LIN28B: variants seen among roughly 807,000 people sequenced by gnomAD.
The protein encoded by LIN28B is lin-28 RNA binding posttranscriptional regulator B.
In LIN28B, 5 loss-of-function variants were observed where a neutral mutation model predicts 21.9. The observed-to-expected ratio is 0.23, with a 90% confidence interval of 0.12 to 0.48. The LOEUF (loss-of-function observed/expected upper bound fraction) is 0.48, where lower values mean the gene tolerates loss of function less well. LIN28B is among the 20% of genes least tolerant of loss of function. The pLI, the probability that LIN28B is intolerant of heterozygous loss-of-function variation, is 0.98. For missense variants in LIN28B, 245 were observed against 310.5 expected (o/e 0.79, Z 1.58); for synonymous variants, 109 against 111.3 (o/e 0.98, Z 0.13).
chr6:105,004,241 T>C (rs1317732588), intron 2 of LIN28B, among the ~76,000 whole-genome samples: 1 of 152,154 alleles, frequency 6.6e-6, no homozygotes, highest in East Asian at 1.9e-4. Context: ...ACTCAAATGT[T>C]AATCTCCTTT....
intron 2 of LIN28B, among the ~76,000 whole-genome samples, chr6:104,997,448 T>A (rs887166108): frequency 1.3e-5 from 2 of 151,932 alleles, no homozygotes; most frequent in Admixed American, 6.6e-5. Flanking sequence ...AATAAAAAAT[T>A]TGAACCTTGA....
chr6:105,008,433 A>G (rs1452248955), intron 2 of LIN28B, among the ~76,000 whole-genome samples: 2 of 152,116 alleles, frequency 1.3e-5, no homozygotes, highest in African/African-American at 2.4e-5. Context: ...TCACGAGGTC[A>G]GGAGATCGAG....
rs1437678321 is a variant in LIN28B, at chr6:105,005,394, T to C, written c.199-20904T>C. On this transcript the variant is annotated intron_variant, in intron 2 of 3. Coordinates refer to ENST00000345080, the MANE Select transcript of LIN28B (RefSeq NM_001004317.4). ...CTTCTGTTCGTAGAACTATTCTCAA[T>C]AAAGTGTTCTCCTTTCTTAGTTCTC... Among the ~76,000 whole-genome samples, 6 of 152,198 alleles carry C rather than the reference T, an allele frequency of 3.9e-5. No individual in the cohort carries two copies. In the East Asian group the frequency reaches 1.2e-3, roughly 29 times the overall value.
In LIN28B at chr6:105,037,769, C is replaced by T. The variant is rs190613363; in HGVS notation, c.383+11287C>T. ...CAAGTGATCCGCCTGCCTCGGCCTCCCAAAGTGCTGGGATTACAGACGTGA... is the reference window on the plus strand; with the variant it reads ...CAAGTGATCCGCCTGCCTCGGCCTCTCAAAGTGCTGGGATTACAGACGTGA... On this transcript the variant is annotated intron_variant, in intron 3 of 3. Coordinates refer to ENST00000345080, the MANE Select transcript of LIN28B (RefSeq NM_001004317.4). Among the ~76,000 whole-genome samples the T allele has an allele frequency of 4.4e-3, 665 of 152,180 alleles. 25 individuals carry two copies. Among genetic ancestry groups the T allele is most frequent in the Admixed American group, 0.039 (601 of 15,284 alleles).
chr6:104,998,566 TA>T (rs1407173191), intron 2 of LIN28B, among the ~76,000 whole-genome samples: 2 of 152,174 alleles, frequency 1.3e-5, no homozygotes, highest in Non-Finnish European at 2.9e-5. Flanking sequence ...ACTGCCTATA[TA>T]AAAAATTAAT....
At position 105,011,849 on chromosome 6, in the gene LIN28B, AAAAAAT is replaced by A. The variant is rs1770930725; in HGVS notation, c.199-14439_199-14434del. Among the ~76,000 whole-genome samples the A allele has an allele frequency of 4.0e-5, 6 of 151,704 alleles. No homozygotes were observed. In the South Asian group the frequency reaches 1.0e-3, roughly 26 times the overall value. ...GAAAGAGTGAGACTCCGTCTCTCCA[AAAAAAT>A]AAAAATAAACAAATAAACTGCCGGC... On this transcript the variant is annotated intron_variant, in intron 2 of 3. Coordinates refer to ENST00000345080, the MANE Select transcript of LIN28B (RefSeq NM_001004317.4).
At chr6:105,037,570 T>C (rs1582910683) in intron 3 of LIN28B, among the ~76,000 whole-genome samples, 2 of 146,304 alleles carry the variant, frequency 1.4e-5, no homozygotes, top group East Asian at 4.4e-4. Flanking sequence ...TGCAGTGCAG[T>C]GGTGCAGTCT....
chr6:105,011,666 A>G (rs1402046305), intron 2 of LIN28B, among the ~76,000 whole-genome samples: 1 of 151,404 alleles, frequency 6.6e-6, no homozygotes, highest in African/African-American at 2.4e-5. Flanking sequence ...CCTGGCCAAT[A>G]TGGAGAAACT....
intron 2 of LIN28B, among the ~76,000 whole-genome samples, chr6:105,000,027 A>T (rs192479486): frequency 1.6e-4 from 25 of 152,276 alleles, no homozygotes; most frequent in African/African-American, 2.6e-4. Context: ...GGGAAGGGGA[A>T]AGCTGAGCAC....
chr6:104,974,225 T>C (rs947184609), intron 2 of LIN28B, among the ~76,000 whole-genome samples: 2 of 152,132 alleles, frequency 1.3e-5, no homozygotes, highest in Non-Finnish European at 2.9e-5. Flanking sequence ...GTACAGTGGC[T>C]CACACCCGTA....
intron 2 of LIN28B, among the ~76,000 whole-genome samples, chr6:105,013,136 C>T (rs941193030): frequency 6.6e-6 from 1 of 151,976 alleles, no homozygotes; most frequent in Non-Finnish European, 1.5e-5. Context: ...CTCAGCCTCC[C>T]GAGTAGCTGG....
intron 3 of LIN28B, among the ~76,000 whole-genome samples, chr6:105,030,825 A>G (rs1582906697): frequency 6.6e-6 from 1 of 151,568 alleles, no homozygotes; most frequent in African/African-American, 2.4e-5. Context: ...CGAATCCTGG[A>G]CCTCAGGTGA....
chr6:105,032,346 A>G (rs1288376409), intron 3 of LIN28B, among the ~76,000 whole-genome samples: 2 of 152,180 alleles, frequency 1.3e-5, no homozygotes, highest in Non-Finnish European at 2.9e-5. Context: ...TTTCCAGAGT[A>G]ATTATTTTTC....
chr6:105,015,330 A>G (rs1771005742), intron 2 of LIN28B, among the ~76,000 whole-genome samples: 1 of 152,264 alleles, frequency 6.6e-6, no homozygotes, highest in South Asian at 2.1e-4. Flanking sequence ...ACTTTTAGTA[A>G]TATAACACAG....
chr6:105,077,155 G>A (rs1311966981), intron 3 of LIN28B, among the ~76,000 whole-genome samples: 3 of 151,922 alleles, frequency 2.0e-5, no homozygotes, highest in Non-Finnish European at 2.9e-5. Context: ...GCCCAAATCC[G>A]GGAGGCAGAG....
chr6:105,064,553 T>G (rs1288610640), intron 3 of LIN28B, among the ~76,000 whole-genome samples: 1 of 152,192 alleles, frequency 6.6e-6, no homozygotes, highest in East Asian at 1.9e-4. Flanking sequence ...CGCACATATA[T>G]TGCATTCATT....
chr6:105,073,126 C>T (rs1203910663), intron 3 of LIN28B, among the ~76,000 whole-genome samples: 1 of 152,098 alleles, frequency 6.6e-6, no homozygotes, highest in Non-Finnish European at 1.5e-5. Context: ...CTCCCCACCA[C>T]CAGCTGGCTG....
intron 2 of LIN28B, among the ~76,000 whole-genome samples, chr6:104,986,597 T>C (rs919339227): frequency 1.3e-5 from 2 of 152,134 alleles, no homozygotes; most frequent in Non-Finnish European, 2.9e-5. Context: ...TGTGGTTCAT[T>C]TTAGGGGAGA....
At chr6:104,964,505 TC>T (rs553439853) in intron 2 of LIN28B, among the ~76,000 whole-genome samples, 16 of 152,178 alleles carry the variant, frequency 1.1e-4, no homozygotes, top group Non-Finnish European at 2.2e-4. Context: ...TTGAGCTATT[TC>T]CCCTGAGTTT....
Sources: allele counts gnomAD v4.1 joint callset (sites outside exome capture counted in the v4.1 genomes callset), GRCh38; gene constraint gnomAD v4.1.1; transcripts MANE v1.5; gene names NCBI Gene and HGNC (gene_info 2026-07-23, HGNC 2026-07-21).